ADAMTSL1: variants seen among roughly 807,000 people sequenced by gnomAD.
ADAMTSL1 encodes the protein ADAMTS like 1, also known as ADAMTS-like protein 1.
In ADAMTSL1, 126 loss-of-function variants were observed where a neutral mutation model predicts 201.8. The observed-to-expected ratio is 0.62, with a 90% confidence interval of 0.54 to 0.72. The LOEUF (loss-of-function observed/expected upper bound fraction) is 0.72, where lower values mean the gene tolerates loss of function less well. ADAMTSL1 is among the 30% of genes least tolerant of loss of function. The pLI is 0.00. For missense variants in ADAMTSL1, 2,679 were observed against 2,277.8 expected, an observed-to-expected ratio of 1.18 and a Z score of -3.59; for synonymous variants, 1,121 against 903.4, an observed-to-expected ratio of 1.24 and a Z score of -4.32.
At chr9:18,135,627 T>A (rs764013609) in intron 1 of ADAMTSL1, among the ~76,000 whole-genome samples, 2 of 151,904 alleles carry the variant, frequency 1.3e-5, no homozygotes, top group East Asian at 1.9e-4. Flanking sequence ...AACCCTGCTT[T>A]AAAAAAAATA....
intron 2 of ADAMTSL1, among the ~76,000 whole-genome samples, chr9:18,437,070 A>T (rs1467270717): frequency 2.0e-5 from 3 of 151,054 alleles, no homozygotes; most frequent in Non-Finnish European, 4.4e-5. Context: ...ACCATCTAGG[A>T]TGGTTGTAAT....
chr9:18,657,188 T>C (rs1828741261), intron 7 of ADAMTSL1, among the ~76,000 whole-genome samples: 1 of 152,234 alleles, frequency 6.6e-6, no homozygotes, highest in Admixed American at 6.5e-5. Context: ...GAAGTGTTAT[T>C]TAATTCTTCA....
At chr9:18,653,775 G>A (rs776782) in intron 7 of ADAMTSL1, among the ~76,000 whole-genome samples, 51,433 of 151,996 alleles carry the variant, frequency 0.34, 9,151 homozygotes, top group African/African-American at 0.43. Context: ...TTTTTAATCT[G>A]CTAATGCCTA....
intron 2 of ADAMTSL1, among the ~76,000 whole-genome samples, chr9:18,270,143 G>T (rs1417551282): frequency 6.6e-6 from 1 of 152,006 alleles, no homozygotes. Flanking sequence ...CCAAGGTCAG[G>T]GTGCTAGCAG....
chr9:18,891,161 C>CAGATGTGGCGCCGCTTGG (rs1829241385), intron 25 of ADAMTSL1, among the ~76,000 whole-genome samples: 2 of 152,230 alleles, frequency 1.3e-5, no homozygotes, highest in Non-Finnish European at 2.9e-5. Context: ...TCCTGAAAGC[C>CAGATGTGGCGCCGCTTGG]AGATGTGGCG....
intron 23 of ADAMTSL1, among the ~76,000 whole-genome samples, chr9:18,865,815 G>C (rs1827495782): frequency 6.6e-6 from 1 of 152,110 alleles, no homozygotes. Flanking sequence ...GTCCTCCTCA[G>C]CCACCTCACT....
chr9:18,290,782 T>TTTTTTTTTG lies in ADAMTSL1; in HGVS notation c.207+126809_207+126810insGTTTTTTTT, dbSNP rs1554651156. ...GTTGAAAGCTGGCTTTTTTTGTGTG[T>TTTTTTTTTG]TTTTTTTTTTTTTTTTTGAGGCAGA... On this transcript the variant is annotated intron_variant, in intron 2 of 29. Coordinates refer to the ADAMTSL1 transcript ENST00000680146. Among the ~76,000 whole-genome samples the TTTTTTTTTG allele has an allele frequency of 8.6e-4, 46 of 53,242 alleles. 1 individual carries two copies. Among genetic ancestry groups the TTTTTTTTTG allele is most frequent in the Non-Finnish European group, 1.1e-3 (34 of 29,918 alleles). 34.9% of individuals were successfully genotyped at this position (53,242 alleles called of 152,430 possible). A position where few individuals can be genotyped will look rare whatever the true frequency, so the allele number is the denominator to read the frequency against.
chr9:18,749,158 A>C (rs947875101), intron 15 of ADAMTSL1, among the ~76,000 whole-genome samples: 4 of 152,210 alleles, frequency 2.6e-5, no homozygotes, highest in African/African-American at 9.6e-5. Flanking sequence ...GTAAGGTCAC[A>C]TTCTGAGGTA....
intron 2 of ADAMTSL1, among the ~76,000 whole-genome samples, chr9:18,527,122 G>C (rs1021724639): frequency 6.6e-6 from 1 of 152,046 alleles, no homozygotes; most frequent in African/African-American, 2.4e-5. Flanking sequence ...ATGAGATGCT[G>C]TCTCAAAAAA....
chr9:17,925,836 C>G (rs532495807), intron 1 of ADAMTSL1, among the ~76,000 whole-genome samples: 2 of 131,902 alleles, frequency 1.5e-5, no homozygotes, highest in African/African-American at 2.6e-5. Flanking sequence ...GCACATGTAC[C>G]CTAAAACTTA....
intron 3 of ADAMTSL1, 86 bp downstream of exon 3, chr9:18,533,378 C>G: frequency 9.1e-7 from 1 of 1,095,566 alleles, no homozygotes; most frequent in Non-Finnish European, 1.3e-6. Flanking sequence ...AGCAGGAAAT[C>G]AACCAACTAG....
rs910928558 is a variant in ADAMTSL1, at chr9:18,045,875, A to G, written c.88-117987A>G. On this transcript the variant is annotated intron_variant, in intron 1 of 29. Transcript: ENST00000680146. ...ATTAACATTTTCATCTCAATTGACA[A>G]TTTTGGAGCAAAAAAAATTTCCCTG... 2.6e-5 allele frequency among the ~76,000 whole-genome samples: 4 copies of G among 152,056 alleles called. No homozygotes were observed. The South Asian group carries it at 6.2e-4, about 24-fold the overall frequency.
exon 1 of ADAMTSL1, chr9:17,906,848 G>A (rs1278267247): frequency 3.3e-5 from 5 of 152,228 alleles, no homozygotes; most frequent in African/African-American, 1.2e-4. Flanking sequence ...GGCACGACTG[G>A]AGGCGCCCCA....
intron 1 of ADAMTSL1, among the ~76,000 whole-genome samples, chr9:17,921,831 C>G (rs2131294409): frequency 6.6e-6 from 1 of 152,274 alleles, no homozygotes; most frequent in East Asian, 1.9e-4. Context: ...ACAATAATAA[C>G]AGCTCTCTCC....
intron 23 of ADAMTSL1, among the ~76,000 whole-genome samples, chr9:18,883,056 C>T (rs1411792938): frequency 3.3e-5 from 5 of 151,532 alleles, no homozygotes; most frequent in African/African-American, 1.2e-4. Flanking sequence ...CAAGTAGCAG[C>T]TCTGTCCTAT....
chr9:18,094,375 C>G (rs975122297), intron 1 of ADAMTSL1, among the ~76,000 whole-genome samples: 4 of 152,204 alleles, frequency 2.6e-5, no homozygotes, highest in Non-Finnish European at 5.9e-5. Flanking sequence ...GTGTGGTTCA[C>G]TGTGTGAACT....
chr9:18,901,670 G>C (rs1214275587), intron 26 of ADAMTSL1, among the ~76,000 whole-genome samples: 1 of 152,042 alleles, frequency 6.6e-6, no homozygotes, highest in Non-Finnish European at 1.5e-5. Flanking sequence ...AGCCAAAGAA[G>C]AATGAGAAAG....
intron 1 of ADAMTSL1, among the ~76,000 whole-genome samples, chr9:17,953,093 A>G (rs1378971395): frequency 1.3e-5 from 2 of 151,826 alleles, no homozygotes; most frequent in Non-Finnish European, 2.9e-5. Context: ...ATGACATGAT[A>G]CTGCAAACCA....
chr9:18,766,071 T>C (rs1281969455), intron 16 of ADAMTSL1, among the ~76,000 whole-genome samples: 1 of 151,744 alleles, frequency 6.6e-6, no homozygotes, highest in Non-Finnish European at 1.5e-5. Context: ...AAAGTCTGGC[T>C]GGAGTACACA....
Sources: gnomAD v4.1 joint callset for allele counts (sites outside exome capture counted in the v4.1 genomes callset) on GRCh38, gnomAD v4.1.1 for gene constraint, MANE v1.5 for transcripts, NCBI Gene and HGNC (gene_info 2026-07-23, HGNC 2026-07-21) for gene names.